Variants in GFPT1 observed in about 807,000 individuals in gnomAD.
GFPT1 encodes the protein glutamine--fructose-6-phosphate transaminase 1, also known as glutamine--fructose-6-phosphate aminotransferase [isomerizing] 1.
A neutral mutation model predicts 92.0 loss-of-function variants in GFPT1; 40 were observed. The observed-to-expected ratio is 0.43, with a 90% CI of 0.34 to 0.57. The LOEUF is 0.57. Ranked by LOEUF, GFPT1 falls within the 20% of genes least tolerant of loss-of-function variation. The pLI is 0.02. For synonymous variants in GFPT1, 269 were observed against 280.6 expected, an observed-to-expected ratio of 0.96 and a Z score of 0.41; for missense variants, 448 against 869.1, an observed-to-expected ratio of 0.52 and a Z score of 6.09.
At chr2:69,351,281 T>C (rs1199164923) in intron 9 of GFPT1, among the ~76,000 whole-genome samples, 1 of 152,208 alleles carries the variant, frequency 6.6e-6, no homozygotes, top group Non-Finnish European at 1.5e-5. Flanking sequence ...AACTTTTTCA[T>C]CAAAACTGGA....
chr2:69,321,013 A>G lies in GFPT1; in HGVS notation c.*5176T>C, dbSNP rs1670391334. On this transcript the variant is annotated 3_prime_UTR_variant, in exon 20 of 20. Coordinates refer to ENST00000357308, the MANE Select transcript of GFPT1 (RefSeq NM_001244710.2). ...GCAGCAGGTGCTATAACCACTAGGG[A>G]TAGACTCTAGCTTGCTGTTCATAAA... 6.6e-6 allele frequency: 1 copy of G among 152,226 alleles called. No individual in the cohort carries two copies. The highest frequency in any genetic ancestry group is 6.5e-5 in the Admixed American group (1 of 15,288). The allele number at this position is 152,226 out of a possible 1,614,324, so 9.4% of individuals were successfully genotyped here.
chr2:69,339,522 T>A, intron 13 of GFPT1, among the ~76,000 whole-genome samples: 1 of 152,172 alleles, frequency 6.6e-6, no homozygotes, highest in South Asian at 2.1e-4. Context: ...AAATTATCTT[T>A]TAGGCAGCAA....
chr2:69,329,529 T>C (rs931898674), intron 16 of GFPT1, 105 bp from the exon 17 acceptor site: 3 of 981,172 alleles, frequency 3.1e-6, no homozygotes, highest in Non-Finnish European at 4.8e-6. Context: ...CTCTGTGCTA[T>C]CAATCAGTAT....
At chr2:69,363,767 T>C in intron 3 of GFPT1, 97 bp from the exon 4 acceptor site, 1 of 863,014 alleles carries the variant, frequency 1.2e-6, no homozygotes, top group Non-Finnish European at 1.9e-6. Flanking sequence ...TGCTGCTCTC[T>C]TGGAATATAC....
At position 69,350,101 on chromosome 2, in the gene GFPT1, C is replaced by T. The variant is rs1283185575; in HGVS notation, c.822G>A (p.Glu274=). The change falls in exon 10 of 20, where the codon GAG becomes GAA. Residue 274 remains glutamate, a synonymous_variant. Coordinates refer to ENST00000357308, the MANE Select transcript of GFPT1 (RefSeq NM_001244710.2). ...ACCTTGCATCAGAAGCAAAGTAATA[C>T]TCCACTGCTTTTTCTTCCACCGGGA... ...CLFPVEEKAV[E]YYFASDASAV... 4 of 1,612,500 alleles carry T rather than the reference C, an allele frequency of 2.5e-6. No individual in the cohort carries two copies. Among genetic ancestry groups the T allele is most frequent in the South Asian group, 1.1e-5 (1 of 91,040 alleles).
intron 7 of GFPT1, among the ~76,000 whole-genome samples, chr2:69,355,836 T>C (rs1241855556): frequency 6.6e-6 from 1 of 152,190 alleles, no homozygotes; most frequent in African/African-American, 2.4e-5. Context: ...TATCTAGGAA[T>C]CTGTCTAGAA....
chr2:69,338,862 C>T (rs1670867427), intron 13 of GFPT1, among the ~76,000 whole-genome samples: 1 of 139,200 alleles, frequency 7.2e-6, no homozygotes, highest in South Asian at 2.2e-4. Flanking sequence ...TGCAGTGGTG[C>T]CATCTCGGCT....
chr2:69,353,658 C>T (rs1671265115), intron 9 of GFPT1, among the ~76,000 whole-genome samples: 1 of 152,116 alleles, frequency 6.6e-6, no homozygotes, highest in South Asian at 2.1e-4. Flanking sequence ...CATACCACTG[C>T]ACTGCACTCC....
intron 12 of GFPT1, 42 bp downstream of exon 12, chr2:69,345,862 G>T: frequency 9.1e-7 from 1 of 1,103,480 alleles, no homozygotes; most frequent in Non-Finnish European, 1.4e-6. Flanking sequence ...ACCTCCTACT[G>T]TCAGAGACAC....
At chr2:69,359,589 T>G (rs1397092979) in intron 4 of GFPT1, among the ~76,000 whole-genome samples, 1 of 152,200 alleles carries the variant, frequency 6.6e-6, no homozygotes, top group Non-Finnish European at 1.5e-5. Flanking sequence ...AGTCTAGAGA[T>G]AACAATTTCA....
At chr2:69,369,331 A>G (rs1671688351) in intron 3 of GFPT1, among the ~76,000 whole-genome samples, 1 of 152,216 alleles carries the variant, frequency 6.6e-6, no homozygotes, top group Non-Finnish European at 1.5e-5. Context: ...GTAGGTACAT[A>G]AAATACTTGC....
At chr2:69,360,574 G>A (rs1261417996) in intron 4 of GFPT1, among the ~76,000 whole-genome samples, 1 of 151,724 alleles carries the variant, frequency 6.6e-6, no homozygotes, top group Non-Finnish European at 1.5e-5. Context: ...AAGCAGCTGG[G>A]ATTACAGCTG....
At chr2:69,356,126 T>C (rs949560195) in intron 7 of GFPT1, among the ~76,000 whole-genome samples, 1 of 151,668 alleles carries the variant, frequency 6.6e-6, no homozygotes, top group African/African-American at 2.4e-5. Flanking sequence ...CCCGAGTAGC[T>C]GGGATTACAG....
At chr2:69,376,468 G>C (rs983662063) in intron 1 of GFPT1, among the ~76,000 whole-genome samples, 1 of 151,648 alleles carries the variant, frequency 6.6e-6, no homozygotes, top group East Asian at 1.9e-4. Flanking sequence ...GCAGTGAGCC[G>C]AGATCGCACT....
intron 9 of GFPT1, among the ~76,000 whole-genome samples, chr2:69,350,816 T>C (rs1210635504): frequency 6.7e-6 from 1 of 149,234 alleles, no homozygotes; most frequent in Non-Finnish European, 1.5e-5. Flanking sequence ...GGCAGGAGAA[T>C]CACTTGAACC....
intron 3 of GFPT1, among the ~76,000 whole-genome samples, chr2:69,366,094 G>A (rs368102851): frequency 9.9e-5 from 15 of 151,812 alleles, no homozygotes; most frequent in African/African-American, 3.1e-4. Flanking sequence ...GATTACAGGC[G>A]TGAGCCACCA....
intron 9 of GFPT1, among the ~76,000 whole-genome samples, chr2:69,352,917 G>A (rs1298344096): frequency 6.6e-6 from 1 of 151,690 alleles, no homozygotes; most frequent in Non-Finnish European, 1.5e-5. Flanking sequence ...GTGGTGGTGT[G>A]CACTGGTAGT....
chr2:69,386,239 C>T (rs1370743987), intron 1 of GFPT1, among the ~76,000 whole-genome samples: 1 of 152,186 alleles, frequency 6.6e-6, no homozygotes, highest in Admixed American at 6.5e-5. Flanking sequence ...ATAAAAGGGC[C>T]TAACCTTAAT....
intron 16 of GFPT1, 117 bp from the exon 17 acceptor site, chr2:69,329,541 G>C: frequency 2.1e-6 from 2 of 964,988 alleles, no homozygotes; most frequent in East Asian, 5.1e-5. Flanking sequence ...AATCAGTATG[G>C]GTATTTTTTT....
Sources: allele counts gnomAD v4.1 joint callset (sites outside exome capture counted in the v4.1 genomes callset), GRCh38; gene constraint gnomAD v4.1.1; transcripts MANE v1.5; gene names NCBI Gene and HGNC (gene_info 2026-07-23, HGNC 2026-07-21).